The following TFCP2L1 variants were observed in gnomAD, a reference collection of about 807,000 sequenced individuals.
TFCP2L1 encodes the protein transcription factor CP2 like 1, also known as transcription factor CP2-like protein 1.
Under a neutral mutation model 72.2 loss-of-function variants are expected in TFCP2L1, and 12 were observed. That is an observed-to-expected ratio of 0.17 (90% CI 0.11 to 0.27). The LOEUF (loss-of-function observed/expected upper bound fraction) is 0.27. Ranked by LOEUF, TFCP2L1 falls within the 10% of genes least tolerant of loss-of-function variation. The pLI, the probability that TFCP2L1 is intolerant of heterozygous loss-of-function variation, is 1.00. For synonymous variants in TFCP2L1, 260 were observed against 251.0 expected (o/e 1.04, Z -0.34); for missense variants, 488 against 624.6 (o/e 0.78, Z 2.33).
chr2:121,249,780 A>G, intron 2 of TFCP2L1, 133 bp from the exon 3 acceptor site: 1 of 846,746 alleles, frequency 1.2e-6, no homozygotes, highest in Non-Finnish European at 1.9e-6. Context: ...GCAGAGAAGA[A>G]AACCCACGAC....
intron 6 of TFCP2L1, among the ~76,000 whole-genome samples, chr2:121,244,434 TG>T (rs1293155015): frequency 6.6e-6 from 1 of 152,078 alleles, no homozygotes; most frequent in Non-Finnish European, 1.5e-5. Flanking sequence ...GGCAGGCAGG[TG>T]GAAGGACACA....
At chr2:121,237,575 T>C (rs2260394) in intron 10 of TFCP2L1, 48 bp downstream of exon 10, 180,211 of 1,597,352 alleles carry the variant, frequency 0.11, 19,942 homozygotes, top group East Asian at 0.49. Flanking sequence ...AGCCTTGAAG[T>C]GTCTCCAAGA....
intron 13 of TFCP2L1, among the ~76,000 whole-genome samples, chr2:121,230,676 G>A (rs1686123173): frequency 6.6e-6 from 1 of 152,120 alleles, no homozygotes; most frequent in Non-Finnish European, 1.5e-5. Context: ...AGGAGCCTGA[G>A]GTGGGAGGAT....
intron 13 of TFCP2L1, among the ~76,000 whole-genome samples, chr2:121,228,904 G>A (rs1367470867): frequency 6.7e-6 from 1 of 149,990 alleles, no homozygotes; most frequent in African/African-American, 2.5e-5. Flanking sequence ...CGTGTTTGCT[G>A]CATGTTTTAA....
chr2:121,259,393 C>T (rs77432984), intron 2 of TFCP2L1, among the ~76,000 whole-genome samples: 2,740 of 152,174 alleles, frequency 0.018, 99 homozygotes, highest in African/African-American at 0.062. Context: ...ATCTATACAT[C>T]CCTTTATAGA....
intron 6 of TFCP2L1, among the ~76,000 whole-genome samples, chr2:121,245,697 G>A (rs181295733): frequency 3.3e-5 from 5 of 152,288 alleles, no homozygotes; most frequent in Admixed American, 2.0e-4. Context: ...GTGATGGTGC[G>A]TCCCCAGATC....
chr2:121,266,882 ATTATTTATTTATTTATTTAT>A (rs199919633), intron 2 of TFCP2L1, among the ~76,000 whole-genome samples: 29 of 145,878 alleles, frequency 2.0e-4, no homozygotes, highest in South Asian at 6.5e-4. Context: ...TATTTTTTTC[ATTATTTATTTATTTATTTAT>A]TTATTTATTT....
In TFCP2L1 at chr2:121,225,555, G is replaced by A. The variant is rs1686012165; in HGVS notation, c.1393+7C>T. On this transcript the variant is annotated splice_region_variant and intron_variant, in intron 14 of 14. Transcript: ENST00000263707. ...ACAACTACCCTAGGGGGAGGGGGAG[G>A]CTTCACCTTTAATTGTGCTGAGGAC... 7 of 1,613,940 alleles carry A rather than the reference G, an allele frequency of 4.3e-6. 1 individual carries two copies. In the East Asian group the frequency reaches 8.9e-5, roughly 21 times the overall value.
chr2:121,248,580 C>T (rs1383652263), intron 4 of TFCP2L1, among the ~76,000 whole-genome samples: 1 of 152,136 alleles, frequency 6.6e-6, no homozygotes, highest in Non-Finnish European at 1.5e-5. Flanking sequence ...CTTCTGAATT[C>T]CAAAACCCAC....
intron 2 of TFCP2L1, 57 bp from the exon 3 acceptor site, chr2:121,249,704 C>T: frequency 6.3e-7 from 1 of 1,577,086 alleles, no homozygotes. Context: ...ATTTGGGGTT[C>T]ATTCAGCTAG....
intron 6 of TFCP2L1, among the ~76,000 whole-genome samples, chr2:121,243,691 A>G (rs2713210): frequency 0.53 from 80,618 of 151,292 alleles, 24,420 homozygotes; most frequent in African/African-American, 0.82. Flanking sequence ...TGCTCCTTAT[A>G]AGAATCTAAT....
Position 121,246,882 on chromosome 2 carries a change from T to C in TFCP2L1, c.593A>G (p.Gln198Arg). 1 of 1,614,168 alleles carries C rather than the reference T, an allele frequency of 6.2e-7. No individual in the cohort carries two copies. Residue 198 changes from glutamine to arginine, a missense_variant, in exon 6 of 15, where the codon CAG (glutamine) becomes CGG (arginine). Gln to Arg is a conservative substitution (Grantham distance 43). This residue lies in a region of TFCP2L1 where 129 missense variants were observed against 236.0 expected (regional missense o/e 0.55). Coordinates refer to ENST00000263707, the MANE Select transcript of TFCP2L1 (RefSeq NM_014553.3). ...PFRVQIDTFK[Q>R]NENGEYTEHL... is the part of the protein sequence containing the mutation. ...CTCCGTGTACTCCCCATTCTCGTTC[T>C]GCTTAAACGTGTCAATCTGGACTCG... is the stretch of plus-strand genomic sequence containing the variant.
intron 2 of TFCP2L1, among the ~76,000 whole-genome samples, chr2:121,279,866 GCT>G (rs1687220284): frequency 6.6e-6 from 1 of 152,206 alleles, no homozygotes; most frequent in African/African-American, 2.4e-5. Flanking sequence ...ACAGTCCTTT[GCT>G]CATCCTTGCT....
At chr2:121,283,256 A>G (rs1687300400) in intron 1 of TFCP2L1, among the ~76,000 whole-genome samples, 1 of 152,144 alleles carries the variant, frequency 6.6e-6, no homozygotes, top group Non-Finnish European at 1.5e-5. Flanking sequence ...AAAGGCCTCT[A>G]CCCTGGTGAG....
rs1254800683 is a variant in TFCP2L1, at chr2:121,222,755, AC to A, written c.*1585del. On this transcript the variant is annotated 3_prime_UTR_variant, in exon 15 of 15. Transcript: ENST00000263707. The stretch of plus-strand genomic sequence containing the variant: ...GGTGGTTCTGTGAATACAATTGGAC[AC>A]TAGCAATGGGTAAACTGAATGGCAT... The A allele has an allele frequency of 1.3e-5, 2 of 152,188 alleles. No individual in the cohort carries two copies. Among genetic ancestry groups the A allele is most frequent in the Admixed American group, 1.3e-4 (2 of 15,276 alleles). 9.4% of individuals were successfully genotyped at this position (152,188 alleles called of 1,614,324 possible).
chr2:121,277,558 T>C (rs1274505200), intron 2 of TFCP2L1, among the ~76,000 whole-genome samples: 1 of 152,240 alleles, frequency 6.6e-6, no homozygotes, highest in Non-Finnish European at 1.5e-5. Flanking sequence ...ATTTTTAAAA[T>C]ACATAAATAA....
intron 2 of TFCP2L1, among the ~76,000 whole-genome samples, chr2:121,254,362 G>A (rs992628454): frequency 2.8e-4 from 42 of 152,206 alleles, no homozygotes; most frequent in African/African-American, 8.7e-4. Context: ...AGGCCCAAAA[G>A]TGAGCAATAG....
rs2104651723 is a variant in TFCP2L1, at chr2:121,224,235, G to A, written c.*106C>T. On this transcript the variant is annotated 3_prime_UTR_variant, in exon 15 of 15. Coordinates refer to ENST00000263707, the MANE Select transcript of TFCP2L1 (RefSeq NM_014553.3). Reference sequence around the variant, plus strand: ...TCACAGACTGGGCAGGGTCCCTCCTGGCCTCAGCTTGCCTGGTGAGGCCAC... The same window carrying A: ...TCACAGACTGGGCAGGGTCCCTCCTAGCCTCAGCTTGCCTGGTGAGGCCAC... The A allele has an allele frequency of 7.4e-7, 1 of 1,346,438 alleles. No individual in the cohort carries two copies. The highest frequency in any genetic ancestry group is 2.3e-4 in the Middle Eastern group (1 of 4,288). The allele number at this position is 1,346,438 out of a possible 1,614,324, so 83.4% of individuals were successfully genotyped here. A position where few individuals can be genotyped will look rare whatever the true frequency, so the allele number is the denominator to read the frequency against.
intron 7 of TFCP2L1, chr2:121,240,215 T>C (rs1287958574): frequency 1.0e-6 from 1 of 985,142 alleles, no homozygotes; most frequent in East Asian, 1.1e-4. Context: ...GGCATTCTGC[T>C]GGGGGCTAAG....
Sources: gnomAD v4.1 joint callset for allele counts (sites outside exome capture counted in the v4.1 genomes callset) on GRCh38, gnomAD v4.1.1 for gene constraint, gnomAD v4.1.1 regional missense constraint, MANE v1.5 for transcripts, NCBI Gene and HGNC (gene_info 2026-07-23, HGNC 2026-07-21) for gene names.